FHIT: variants seen among roughly 807,000 people sequenced by gnomAD.
The protein encoded by FHIT is bis(5'-adenosyl)-triphosphatase.
In FHIT, 19 loss-of-function variants were observed where a neutral mutation model predicts 17.9. The ratio of observed to expected loss-of-function variants is 1.06; its 90% CI spans 0.74 to 1.56. FHIT has a LOEUF of 1.56. Ranked by LOEUF, FHIT falls within the 40% of genes most tolerant of loss-of-function variation. The pLI, the probability that FHIT is intolerant of heterozygous loss-of-function variation, is 0.00. For synonymous variants in FHIT, 81 were observed against 69.7 expected, an observed-to-expected ratio of 1.16 and a Z score of -0.81; for missense variants, 248 against 189.2, an observed-to-expected ratio of 1.31 and a Z score of -1.82.
chr3:59,988,474 G>A (rs1347486441), intron 7 of FHIT, among the ~76,000 whole-genome samples: 1 of 152,018 alleles, frequency 6.6e-6, no homozygotes, highest in Non-Finnish European at 1.5e-5. Flanking sequence ...TATAATCACA[G>A]TATCTCATTC....
chr3:61,215,788 A>G (rs549077460), intron 1 of FHIT, among the ~76,000 whole-genome samples: 1 of 152,256 alleles, frequency 6.6e-6, no homozygotes, highest in Non-Finnish European at 1.5e-5. Flanking sequence ...TACTGGTAGC[A>G]AAACAGAGAT....
At chr3:60,429,755 A>G (rs1414673361) in intron 5 of FHIT, among the ~76,000 whole-genome samples, 2 of 152,120 alleles carry the variant, frequency 1.3e-5, no homozygotes, top group East Asian at 3.9e-4. Flanking sequence ...AATTTTATGT[A>G]TAATAGTTGA....
At chr3:60,361,303 G>A (rs1699896705) in intron 5 of FHIT, among the ~76,000 whole-genome samples, 1 of 152,186 alleles carries the variant, frequency 6.6e-6, no homozygotes, top group Non-Finnish European at 1.5e-5. Flanking sequence ...ATCAGAGATG[G>A]TGCTGTATTG....
intron 4 of FHIT, among the ~76,000 whole-genome samples, chr3:60,647,981 T>A (rs2107801948): frequency 6.6e-6 from 1 of 152,246 alleles, no homozygotes; most frequent in African/African-American, 2.4e-5. Flanking sequence ...AACAAGAGTT[T>A]GTGGGGAAGA....
chr3:60,029,641 G>A (rs1159377503), intron 5 of FHIT, among the ~76,000 whole-genome samples: 1 of 152,132 alleles, frequency 6.6e-6, no homozygotes, highest in Non-Finnish European at 1.5e-5. Context: ...AAATAACAGA[G>A]GCTCTCTAAA....
chr3:60,456,065 G>A (rs2032071513), intron 5 of FHIT, among the ~76,000 whole-genome samples: 1 of 152,106 alleles, frequency 6.6e-6, no homozygotes, highest in African/African-American at 2.4e-5. Context: ...CAGTGAGCTA[G>A]AATATCTGAA....
At chr3:60,518,333 T>C (rs984330925) in intron 5 of FHIT, among the ~76,000 whole-genome samples, 3 of 152,204 alleles carry the variant, frequency 2.0e-5, no homozygotes, top group African/African-American at 7.2e-5. Context: ...AGCACCTTCA[T>C]AGGTAACTTA....
At chr3:60,274,484 G>A (rs879381467) in intron 5 of FHIT, among the ~76,000 whole-genome samples, 5 of 152,116 alleles carry the variant, frequency 3.3e-5, no homozygotes, top group Admixed American at 6.5e-5. Context: ...CTTACTACAT[G>A]GATGTATAAA....
intron 5 of FHIT, among the ~76,000 whole-genome samples, chr3:60,226,407 G>C (rs1251307240): frequency 6.7e-6 from 1 of 148,888 alleles, no homozygotes; most frequent in Non-Finnish European, 1.5e-5. Context: ...GGGAGGCGGA[G>C]GTTGCGGTGA....
At chr3:60,562,048 C>T (rs928701050) in intron 4 of FHIT, among the ~76,000 whole-genome samples, 4 of 151,928 alleles carry the variant, frequency 2.6e-5, no homozygotes, top group African/African-American at 9.7e-5. Flanking sequence ...ACATGCTTTC[C>T]CTATGTTTGA....
At chr3:59,823,289 C>T (rs927513691) in intron 8 of FHIT, among the ~76,000 whole-genome samples, 5 of 152,012 alleles carry the variant, frequency 3.3e-5, no homozygotes, top group Non-Finnish European at 7.4e-5. Context: ...TTTTTGGTTC[C>T]ATATGAATTT....
chr3:59,916,610 GTC>G (rs1705147011), intron 8 of FHIT, among the ~76,000 whole-genome samples: 1 of 152,134 alleles, frequency 6.6e-6, no homozygotes, highest in East Asian at 1.9e-4. Context: ...CTAATTTTGT[GTC>G]TCTCTTTTGA....
intron 8 of FHIT, among the ~76,000 whole-genome samples, chr3:59,909,309 C>A (rs182243637): frequency 1.3e-5 from 2 of 151,690 alleles, no homozygotes; most frequent in African/African-American, 4.8e-5. Context: ...TGGGATTACT[C>A]GCATGAGCCA....
At chr3:61,059,372 C>CTTTTT (rs201797361) in intron 2 of FHIT, among the ~76,000 whole-genome samples, 22 of 113,268 alleles carry the variant, frequency 1.9e-4, no homozygotes, top group East Asian at 5.5e-4. Flanking sequence ...TTGCTTTTTC[C>CTTTTT]TTTTTTTTTT....
intron 4 of FHIT, among the ~76,000 whole-genome samples, chr3:60,647,013 G>T (rs1194450023): frequency 1.3e-5 from 2 of 152,186 alleles, no homozygotes; most frequent in Admixed American, 6.5e-5. Flanking sequence ...CCTACATACA[G>T]CAAGAGAGCT....
intron 4 of FHIT, among the ~76,000 whole-genome samples, chr3:60,653,619 A>T (rs1343652446): frequency 6.6e-6 from 1 of 151,846 alleles, no homozygotes; most frequent in Non-Finnish European, 1.5e-5. Flanking sequence ...AAGAATAATT[A>T]ACTGTAAAGT....
intron 5 of FHIT, among the ~76,000 whole-genome samples, chr3:60,481,770 G>T (rs1351190303): frequency 6.6e-6 from 1 of 152,014 alleles, no homozygotes; most frequent in Non-Finnish European, 1.5e-5. Context: ...GCATCAAATA[G>T]TATGCAAAAT....
At chr3:60,286,112 C>G (rs1194719897) in intron 5 of FHIT, among the ~76,000 whole-genome samples, 2 of 152,132 alleles carry the variant, frequency 1.3e-5, no homozygotes, top group Non-Finnish European at 2.9e-5. Context: ...TGAGTGCATC[C>G]TACTCTATTC....
At chr3:60,666,303 C>T (rs1424372220) in intron 4 of FHIT, among the ~76,000 whole-genome samples, 1 of 152,080 alleles carries the variant, frequency 6.6e-6, no homozygotes, top group African/African-American at 2.4e-5. Context: ...AATTCATTTA[C>T]TTTTCCTTCA....
Sources: gnomAD v4.1 joint callset for allele counts (sites outside exome capture counted in the v4.1 genomes callset) on GRCh38, gnomAD v4.1.1 for gene constraint, MANE v1.5 for transcripts, NCBI Gene and HGNC (gene_info 2026-07-23, HGNC 2026-07-21) for gene names.